Variants in PINX1 observed in about 807,000 individuals in gnomAD.
The protein encoded by PINX1 is PIN2 (TERF1) interacting telomerase inhibitor 1, also known as PIN2/TERF1-interacting telomerase inhibitor 1.
A neutral mutation model predicts 25.4 loss-of-function variants in PINX1; 34 were observed. The ratio of observed to expected loss-of-function variants is 1.34; its 90% CI spans 1.02 to 1.78. The LOEUF (loss-of-function observed/expected upper bound fraction) is 1.78. PINX1 is among the 40% of genes most tolerant of loss of function. The pLI is 0.00. For missense variants in PINX1, 592 were observed against 404.9 expected (o/e 1.46, Z -3.97); for synonymous variants, 197 against 147.7 (o/e 1.33, Z -2.42).
chr8:10,824,638 G>A (rs1797981275), intron 5 of PINX1, among the ~76,000 whole-genome samples: 3 of 152,208 alleles, frequency 2.0e-5, no homozygotes, highest in African/African-American at 7.2e-5. Flanking sequence ...GATTAAAGCA[G>A]ATTACAGAGG....
Position 10,807,338 on chromosome 8 carries a change from C to A in PINX1, c.471+12855G>T, listed in dbSNP as rs1022050710. Among the ~76,000 whole-genome samples, 145 of 106,870 alleles carry A rather than the reference C, an allele frequency of 1.4e-3. 4 individuals carry two copies. The highest frequency in any genetic ancestry group is 1.9e-3 in the Non-Finnish European group (104 of 54,952). The allele number at this position is 106,870 out of a possible 152,430, so 70.1% of individuals were successfully genotyped here. On this transcript the variant is annotated intron_variant, in intron 6 of 6. Coordinates refer to ENST00000314787, the MANE Select transcript of PINX1 (RefSeq NM_017884.6). ...AAAATCCCCCCCCCACCCCCCCCCC[C>A]ACCAAAGTAGAACAAAGATACAGTA...
intron 5 of PINX1, among the ~76,000 whole-genome samples, chr8:10,823,952 T>C (rs949366273): frequency 1.3e-5 from 2 of 152,242 alleles, no homozygotes; most frequent in Non-Finnish European, 2.9e-5. Context: ...CTATGTACAA[T>C]TGCATCTTCC....
chr8:10,818,564 G>A (rs748194031), intron 6 of PINX1, among the ~76,000 whole-genome samples: 1 of 152,172 alleles, frequency 6.6e-6, no homozygotes, highest in Non-Finnish European at 1.5e-5. Context: ...TTTCATAGAG[G>A]GTGTCCGGGA....
chr8:10,791,782 G>T (rs566324227), intron 6 of PINX1, among the ~76,000 whole-genome samples: 1 of 152,256 alleles, frequency 6.6e-6, no homozygotes, highest in African/African-American at 2.4e-5. Context: ...GGTGGTGGCG[G>T]CAACCTCTCT....
At chr8:10,796,240 G>C (rs1267410750) in intron 6 of PINX1, among the ~76,000 whole-genome samples, 1 of 152,194 alleles carries the variant, frequency 6.6e-6, no homozygotes, top group Non-Finnish European at 1.5e-5. Context: ...CCAAGAAACA[G>C]GGCAGCTTGG....
chr8:10,766,054 T>C, intron 6 of PINX1, 138 bp from the exon 7 acceptor site: 3 of 781,794 alleles, frequency 3.8e-6, no homozygotes, highest in Non-Finnish European at 6.3e-6. Context: ...ACCCGGCACT[T>C]AGGAGACAAG....
At chr8:10,793,215 A>G (rs1202974136) in intron 6 of PINX1, among the ~76,000 whole-genome samples, 1 of 152,166 alleles carries the variant, frequency 6.6e-6, no homozygotes, top group Non-Finnish European at 1.5e-5. Flanking sequence ...TGCATCCTCT[A>G]AACTATTTTA....
intron 6 of PINX1, among the ~76,000 whole-genome samples, chr8:10,815,945 C>T (rs1000495438): frequency 2.0e-5 from 3 of 152,148 alleles, no homozygotes; most frequent in Non-Finnish European, 4.4e-5. Flanking sequence ...TGGGTAGTGA[C>T]CCCTGCAGAT....
At chr8:10,813,804 C>T (rs932707349) in intron 6 of PINX1, among the ~76,000 whole-genome samples, 2 of 151,806 alleles carry the variant, frequency 1.3e-5, no homozygotes, top group African/African-American at 4.8e-5. Flanking sequence ...CATTCTCCAT[C>T]CTCACTCTGG....
intron 5 of PINX1, chr8:10,822,176 G>C (rs1436625949): frequency 6.6e-6 from 1 of 152,208 alleles, no homozygotes; most frequent in East Asian, 1.9e-4. Context: ...CAGTGGAAAG[G>C]AACATAAAAG....
chr8:10,798,044 G>A (rs561445542), intron 6 of PINX1, among the ~76,000 whole-genome samples: 4 of 152,354 alleles, frequency 2.6e-5, no homozygotes, highest in African/African-American at 9.6e-5. Flanking sequence ...AGGAGTAACA[G>A]CTACACTAGA....
intron 6 of PINX1, among the ~76,000 whole-genome samples, chr8:10,772,811 G>A (rs1801270345): frequency 6.6e-6 from 1 of 152,218 alleles, no homozygotes; most frequent in Non-Finnish European, 1.5e-5. Context: ...GCGTGCACAT[G>A]TGAAACAGGT....
chr8:10,818,779 G>A lies in PINX1; in HGVS notation c.471+1414C>T, dbSNP rs923714426. Among the ~76,000 whole-genome samples, 4 of 152,276 alleles carry A rather than the reference G, an allele frequency of 2.6e-5. No homozygotes were observed. In the South Asian group the frequency reaches 8.3e-4, roughly 32 times the overall value. ...GGGGCAGCTGTTGGGCAGAGCAAAG[G>A]AGATGGAGTTCAAGAGGCGCGGGAC... is the stretch of plus-strand genomic sequence containing the variant. On this transcript the variant is annotated intron_variant, in intron 6 of 6. Transcript: ENST00000314787.
chr8:10,766,146 C>T (rs902002437), intron 6 of PINX1, among the ~76,000 whole-genome samples: 5 of 152,098 alleles, frequency 3.3e-5, no homozygotes, highest in African/African-American at 7.2e-5. Flanking sequence ...CCACACACTC[C>T]GGCTGGGTAC....
At position 10,814,267 on chromosome 8, in the gene PINX1, T is replaced by C. The variant is rs989329517; in HGVS notation, c.471+5926A>G. On this transcript the variant is annotated intron_variant, in intron 6 of 6. Transcript: ENST00000314787. ...CCAGCCGTCCCCACACAGAACAGTT[T>C]ATGAGAAGTTTTCTGAGCAACTGGC... Among the ~76,000 whole-genome samples the C allele has an allele frequency of 3.3e-5, 5 of 152,152 alleles. No homozygotes were observed. In the East Asian group the frequency reaches 5.8e-4, roughly 18 times the overall value.
At chr8:10,778,377 G>A (rs2116096) in intron 6 of PINX1, among the ~76,000 whole-genome samples, 5 of 151,822 alleles carry the variant, frequency 3.3e-5, no homozygotes, top group Non-Finnish European at 4.4e-5. Flanking sequence ...AATTGTTGTC[G>A]ATGAAACCAA....
chr8:10,780,922 C>T (rs1801565883), intron 6 of PINX1, among the ~76,000 whole-genome samples: 2 of 152,068 alleles, frequency 1.3e-5, no homozygotes, highest in Non-Finnish European at 2.9e-5. Flanking sequence ...AAAAACAAAG[C>T]TGGAGACACC....
intron 6 of PINX1, among the ~76,000 whole-genome samples, chr8:10,799,883 A>C (rs1254940915): frequency 6.6e-6 from 1 of 152,202 alleles, no homozygotes; most frequent in Non-Finnish European, 1.5e-5. Context: ...AATAGGGAAC[A>C]TGTTCTCAAC....
intron 6 of PINX1, among the ~76,000 whole-genome samples, chr8:10,792,084 T>C (rs147429790): frequency 1.3e-5 from 2 of 152,184 alleles, no homozygotes; most frequent in East Asian, 1.9e-4. Flanking sequence ...CGATCAGCTA[T>C]TGGAGTCTGA....
Sources: allele counts gnomAD v4.1 joint callset (sites outside exome capture counted in the v4.1 genomes callset), GRCh38; gene constraint gnomAD v4.1.1; transcripts MANE v1.5; gene names NCBI Gene and HGNC (gene_info 2026-07-23, HGNC 2026-07-21).